The following COL6A6 variants were observed in gnomAD, a reference collection of about 807,000 sequenced individuals.
COL6A6 encodes collagen type VI alpha 6 chain.
Under a neutral mutation model 208.6 loss-of-function variants are expected in COL6A6, and 183 were observed. The observed-to-expected ratio is 0.88, with a 90% CI of 0.78 to 0.99. The LOEUF is 0.99. Among genes scored for constraint, COL6A6 ranks in the 50% least tolerant of loss-of-function variants. The pLI, the probability that COL6A6 is intolerant of heterozygous loss-of-function variation, is 0.00. For synonymous variants in COL6A6, 973 were observed against 1,011.8 expected (o/e 0.96, Z 0.73); for missense variants, 2,816 against 2,815.2 (o/e 1.00, Z -0.01).
chr3:130,586,059 A>G (rs962767117), intron 10 of COL6A6, among the ~76,000 whole-genome samples: 4 of 152,224 alleles, frequency 2.6e-5, no homozygotes, highest in African/African-American at 7.2e-5. Flanking sequence ...GGCTTAAGCG[A>G]TCCTCCCACT....
intron 36 of COL6A6, 46 bp from the exon 37 acceptor site, chr3:130,675,156 G>T: frequency 7.9e-7 from 1 of 1,259,244 alleles, no homozygotes. Context: ...GTCTATTAAA[G>T]TTGAAATGGC....
intron 33 of COL6A6, among the ~76,000 whole-genome samples, chr3:130,656,994 A>G (rs2065808388): frequency 6.6e-6 from 1 of 152,234 alleles, no homozygotes; most frequent in Non-Finnish European, 1.5e-5. Context: ...CCAGGTCTCC[A>G]AGAGTGCAGA....
Position 130,565,110 on chromosome 3 carries a change from G to T in COL6A6, c.778G>T (p.Asp260Tyr). 1 of 1,614,010 alleles carries T rather than the reference G, an allele frequency of 6.2e-7. No individual in the cohort carries two copies. The highest frequency in any genetic ancestry group is 8.5e-7 in the Non-Finnish European group (1 of 1,179,886). ...GFLEESVSAL[D>Y]IKENCMRVGL... Reference sequence around the variant, plus strand: ...CTTGGAAGAAAGTGTATCTGCCCTTGACATAAAGGAAAATTGCATGAGGGT... The same window carrying T: ...CTTGGAAGAAAGTGTATCTGCCCTTTACATAAAGGAAAATTGCATGAGGGT... Residue 260 changes from aspartate (D) to tyrosine (Y), a missense_variant, in exon 4 of 37, where the codon GAC becomes TAC. By Grantham distance (160) the Asp-to-Tyr change is radical. Coordinates refer to ENST00000358511, the MANE Select transcript of COL6A6 (RefSeq NM_001102608.3).
Position 130,610,650 on chromosome 3 carries a change from G to A in COL6A6, c.4754G>A (p.Gly1585Asp), listed in dbSNP as rs761738560. The change falls in exon 23 of 37, where the codon GGC (glycine) becomes GAC (aspartate). Residue 1585 changes from glycine (G) to aspartate (D), a missense_variant and splice_region_variant. By Grantham distance (94) the Gly-to-Asp change is moderately conservative. Transcript: ENST00000358511. ...AATGCTTTAATTCTATGTACTTAGG[G>A]CCCAAGAGGAGAGGCTGGTGTGAAA... ...EGSLGLKGPQ[G>D]PRGEAGVKGE... 5 of 1,586,088 alleles carry A rather than the reference G, an allele frequency of 3.2e-6. No homozygotes were observed. Among genetic ancestry groups the A allele is most frequent in the East Asian group, 4.5e-5 (2 of 44,048 alleles).
chr3:130,616,079 T>C (rs2064511079), intron 23 of COL6A6, among the ~76,000 whole-genome samples: 1 of 152,172 alleles, frequency 6.6e-6, no homozygotes, highest in Non-Finnish European at 1.5e-5. Context: ...CAAAGATGTG[T>C]ACAATTTTTT....
At chr3:130,628,873 C>T (rs188748324) in intron 26 of COL6A6, among the ~76,000 whole-genome samples, 1,978 of 111,074 alleles carry the variant, frequency 0.018, 320 homozygotes, top group Middle Eastern at 0.11. Context: ...CCAGAAAGGA[C>T]ATCTACACCG....
intron 1 of COL6A6, among the ~76,000 whole-genome samples, chr3:130,526,036 AACAG>A (rs2061954391): frequency 1.3e-5 from 2 of 152,144 alleles, no homozygotes; most frequent in Non-Finnish European, 2.9e-5. Flanking sequence ...GGTGCTGGAA[AACAG>A]ACAAAGTCCC....
chr3:130,519,976 G>A (rs1710970137), intron 1 of COL6A6, among the ~76,000 whole-genome samples: 1 of 152,200 alleles, frequency 6.6e-6, no homozygotes, highest in African/African-American at 2.4e-5. Flanking sequence ...CCTTGGAAGT[G>A]TTCTAGTTTG....
intron 23 of COL6A6, among the ~76,000 whole-genome samples, chr3:130,612,282 C>G (rs1050421746): frequency 6.6e-6 from 1 of 152,028 alleles, no homozygotes. Flanking sequence ...GATTTATATT[C>G]TTTTGGGTAA....
chr3:130,595,918 A>G (rs551879269), intron 18 of COL6A6, among the ~76,000 whole-genome samples: 1 of 152,338 alleles, frequency 6.6e-6, no homozygotes, highest in South Asian at 2.1e-4. Flanking sequence ...TACTCCCACT[A>G]GCAATGTATG....
chr3:130,626,574 C>A, intron 25 of COL6A6, 27 bp downstream of exon 25: 1 of 1,561,408 alleles, frequency 6.4e-7, no homozygotes. Context: ...TAGTTTTGAT[C>A]GGATTCTTGG....
intron 1 of COL6A6, among the ~76,000 whole-genome samples, chr3:130,549,983 G>A (rs1211892179): frequency 6.6e-6 from 1 of 152,116 alleles, no homozygotes; most frequent in African/African-American, 2.4e-5. Flanking sequence ...TGTCATCTCT[G>A]ATTTATTTGA....
intron 36 of COL6A6, among the ~76,000 whole-genome samples, chr3:130,674,608 G>A (rs1160861932): frequency 6.6e-6 from 1 of 152,196 alleles, no homozygotes; most frequent in Non-Finnish European, 1.5e-5. Flanking sequence ...AGGAAGAGAT[G>A]AAATAAGGGA....
chr3:130,521,594 T>C (rs1711073459), intron 1 of COL6A6, among the ~76,000 whole-genome samples: 1 of 152,216 alleles, frequency 6.6e-6, no homozygotes, highest in Non-Finnish European at 1.5e-5. Flanking sequence ...CTACAGATAA[T>C]GTGAGGGCCC....
rs747074394 is a variant in COL6A6 at position 130,568,127 on chromosome 3, A to G, written c.1924A>G (p.Lys642Glu). 14 of 1,614,044 alleles carry G rather than the reference A, an allele frequency of 8.7e-6. No individual in the cohort carries two copies. Among genetic ancestry groups the G allele is most frequent in the Non-Finnish European group, 1.1e-5 (13 of 1,179,894 alleles). Residue 642 changes from lysine (K) to glutamate (E), a missense_variant, in exon 6 of 37, where the codon AAA (lysine) becomes GAA (glutamate). Lys to Glu is a moderately conservative substitution (Grantham distance 56, BLOSUM62 1). Coordinates refer to ENST00000358511, the MANE Select transcript of COL6A6 (RefSeq NM_001102608.3). The stretch of plus-strand genomic sequence containing the variant: ...AGGACCTGAAAACTTCAGCAAAATG[A>G]AAACATTTATGAAAAACCTGGTGAG... ...SIGPENFSKM[K>E]TFMKNLVSKS...
At chr3:130,634,561 G>T (rs1381784438) in intron 26 of COL6A6, 29 bp from the exon 27 acceptor site, 1 of 1,589,560 alleles carries the variant, frequency 6.3e-7, no homozygotes, top group Non-Finnish European at 8.6e-7. Context: ...ATGTGTGCCT[G>T]TATAAATCTT....
intron 8 of COL6A6, among the ~76,000 whole-genome samples, chr3:130,577,039 T>C (rs1302793504): frequency 6.6e-6 from 1 of 152,190 alleles, no homozygotes; most frequent in Non-Finnish European, 1.5e-5. Context: ...TGATTCAACA[T>C]ATGTGAAAGG....
At chr3:130,673,553 G>C (rs2066286663) in intron 36 of COL6A6, among the ~76,000 whole-genome samples, 1 of 152,118 alleles carries the variant, frequency 6.6e-6, no homozygotes, top group South Asian at 2.1e-4. Context: ...AAAACAGCGT[G>C]CTTCAGACTC....
Position 130,571,163 on chromosome 3 carries a change from T to C in COL6A6, c.2747T>C (p.Ile916Thr), listed in dbSNP as rs61730505. The change falls in exon 7 of 37, where the codon ATT (isoleucine) becomes ACT (threonine). Residue 916 changes from isoleucine (I) to threonine (T), a missense_variant. Ile to Thr is a moderately conservative substitution (Grantham distance 89, BLOSUM62 -1). Coordinates refer to ENST00000358511, the MANE Select transcript of COL6A6 (RefSeq NM_001102608.3). ...AACAAGGGGGTCCCCCAAGTCCTCA[T>C]TGTGATCACCGATGGGGAATCCCAT... ...RLNKGVPQVL[I>T]VITDGESHDA... 0.026 allele frequency: 41,605 copies of C among 1,613,402 alleles called. 619 individuals are homozygous for C. The highest frequency in any genetic ancestry group is 0.034 in the Middle Eastern group (203 of 6,048).
Sources: allele counts gnomAD v4.1 joint callset (sites outside exome capture counted in the v4.1 genomes callset), GRCh38; gene constraint gnomAD v4.1.1; transcripts MANE v1.5; gene names NCBI Gene and HGNC (gene_info 2026-07-23, HGNC 2026-07-21).